The following SUSD4 variants were observed in gnomAD, a reference collection of about 807,000 sequenced individuals.
The protein encoded by SUSD4 is sushi domain-containing protein 4.
In SUSD4, 41 loss-of-function variants were observed where a neutral mutation model predicts 50.5. That is an observed-to-expected ratio of 0.81 (90% CI 0.63 to 1.05). SUSD4 has a LOEUF of 1.05. Among genes scored for constraint, SUSD4 ranks in the 50% least tolerant of loss-of-function variants. The probability of loss-of-function intolerance (pLI) is 0.00; values close to 1 mark genes in which losing one functional copy is unlikely to be tolerated. For missense variants in SUSD4, 580 were observed against 634.7 expected, an observed-to-expected ratio of 0.91 and a Z score of 0.93; for synonymous variants, 257 against 257.3, an observed-to-expected ratio of 1.00 and a Z score of 0.01.
chr1:223,309,966 C>G (rs901405522), intron 2 of SUSD4, among the ~76,000 whole-genome samples: 3 of 152,202 alleles, frequency 2.0e-5, no homozygotes, highest in Non-Finnish European at 4.4e-5. Flanking sequence ...AACTCCAGCA[C>G]TGTGGCTGGA....
At chr1:223,291,147 C>A (rs1664461191) in intron 3 of SUSD4, among the ~76,000 whole-genome samples, 1 of 152,152 alleles carries the variant, frequency 6.6e-6, no homozygotes, top group South Asian at 2.1e-4. Flanking sequence ...AAGACACCAT[C>A]TTATCTATCC....
chr1:223,281,583 G>C (rs1384850207), intron 3 of SUSD4, among the ~76,000 whole-genome samples: 1 of 152,174 alleles, frequency 6.6e-6, no homozygotes, highest in Non-Finnish European at 1.5e-5. Context: ...CTCTGAAATT[G>C]AGGCAATAAT....
chr1:223,293,879 C>G (rs1231526279), intron 2 of SUSD4, among the ~76,000 whole-genome samples: 2 of 151,998 alleles, frequency 1.3e-5, no homozygotes, highest in Admixed American at 1.3e-4. Flanking sequence ...TCCAGGCCCC[C>G]CTTTTCAACT....
At chr1:223,351,195 C>T (rs959017413) in intron 2 of SUSD4, among the ~76,000 whole-genome samples, 2 of 152,244 alleles carry the variant, frequency 1.3e-5, no homozygotes, top group African/African-American at 4.8e-5. Context: ...TTCCAGTCCC[C>T]CCGGATTGCC....
At chr1:223,250,693 A>G (rs1028907644) in intron 5 of SUSD4, among the ~76,000 whole-genome samples, 2 of 152,206 alleles carry the variant, frequency 1.3e-5, no homozygotes, top group African/African-American at 4.8e-5. Context: ...ATGGGGTTAG[A>G]GTTCGGAAAA....
chr1:223,241,139 T>G (rs1413876421), intron 5 of SUSD4, among the ~76,000 whole-genome samples: 2 of 152,186 alleles, frequency 1.3e-5, no homozygotes, highest in Non-Finnish European at 2.9e-5. Context: ...CCCCAGCAGT[T>G]TTGGCTGTGG....
chr1:223,286,317 G>A (rs377484129), intron 3 of SUSD4, among the ~76,000 whole-genome samples: 11 of 152,154 alleles, frequency 7.2e-5, no homozygotes, highest in East Asian at 3.9e-4. Context: ...GGGTTTCACC[G>A]TGTTAGCCAG....
chr1:223,364,953 C>T (rs564503539), upstream of SUSD4, among the ~76,000 whole-genome samples: 25 of 152,324 alleles, frequency 1.6e-4, no homozygotes, highest in Non-Finnish European at 3.2e-4. The surrounding 1 kb of genome is among the most constrained non-coding windows in gnomAD (Gnocchi z 4.5). Context: ...GGTATTTTCC[C>T]TCTGCCAGCC....
intron 2 of SUSD4, among the ~76,000 whole-genome samples, chr1:223,322,763 G>A (rs1159182714): frequency 2.0e-5 from 3 of 152,164 alleles, no homozygotes; most frequent in South Asian, 4.1e-4. Context: ...GAAATTATTC[G>A]TCATGAATCT....
intron 2 of SUSD4, among the ~76,000 whole-genome samples, chr1:223,315,280 T>A (rs1184979172): frequency 6.6e-6 from 1 of 152,250 alleles, no homozygotes; most frequent in Non-Finnish European, 1.5e-5. Context: ...GAAGGTTGAA[T>A]TCTGCTAAAG....
In SUSD4 at chr1:223,264,657, T is replaced by C. The variant is rs1346308248; in HGVS notation, c.697A>G (p.Ser233Gly). 6.2e-7 allele frequency: 1 copy of C among 1,614,202 alleles called. No individual in the cohort carries two copies. Among genetic ancestry groups the C allele is most frequent in the East Asian group, 2.2e-5 (1 of 44,878 alleles). The change falls in exon 5 of 9, where the codon AGC (serine) becomes GGC (glycine). Residue 233 changes from serine to glycine, a missense_variant. Transcript: ENST00000366878. ...ECLQNLIWSS[S>G]PPRCLALEVC... ...TCCAGAGCAAGGCACCGGGGTGGGC[T>C]GGACGACCAGATAAGGTTTTGTAAG...
chr1:223,299,473 C>T (rs1665045894), intron 2 of SUSD4, among the ~76,000 whole-genome samples: 1 of 152,160 alleles, frequency 6.6e-6, no homozygotes, highest in Non-Finnish European at 1.5e-5. Context: ...CCATTTTAAT[C>T]AGCCCTCAGA....
intron 2 of SUSD4, among the ~76,000 whole-genome samples, chr1:223,321,601 C>G (rs764097016): frequency 5.9e-5 from 9 of 152,198 alleles, no homozygotes; most frequent in Non-Finnish European, 1.3e-4. Context: ...GTTTCTATCA[C>G]TAGCGTAGAA....
intron 3 of SUSD4, chr1:223,289,292 G>T (rs937533056): frequency 2.0e-6 from 2 of 985,280 alleles, no homozygotes; most frequent in East Asian, 1.1e-4. Context: ...AAGAAGCACA[G>T]ACATCTCTGA....
At chr1:223,281,462 C>G (rs1289260394) in intron 3 of SUSD4, among the ~76,000 whole-genome samples, 5 of 152,226 alleles carry the variant, frequency 3.3e-5, no homozygotes, top group African/African-American at 1.2e-4. Context: ...ATAAACAACT[C>G]TACGCAAATA....
chr1:223,229,189 A>G lies in SUSD4; in HGVS notation c.916+8T>C. The G allele has an allele frequency of 6.3e-7, 1 of 1,590,288 alleles. No homozygotes were observed. Among genetic ancestry groups the G allele is most frequent in the East Asian group, 2.3e-5 (1 of 44,108 alleles). On this transcript the variant is annotated splice_region_variant and intron_variant, in intron 6 of 8. Coordinates refer to ENST00000366878, the MANE Select transcript of SUSD4 (RefSeq NM_017982.4). This position sits in a 1 kb window ranked among gnomAD's most constrained non-coding sequence, Gnocchi z 4.7. ...CATCTCCTCCAAGGGTGAGGCCTTC[A>G]GTCTTACCTGATTTGATGCAGTAGA...
chr1:223,355,084 T>TC (rs1668584614), intron 2 of SUSD4, among the ~76,000 whole-genome samples: 1 of 152,046 alleles, frequency 6.6e-6, no homozygotes. Flanking sequence ...AGCTAATTTT[T>TC]TTTTTTTTCA....
At chr1:223,240,767 C>A (rs1388988671) in intron 5 of SUSD4, among the ~76,000 whole-genome samples, 1 of 152,156 alleles carries the variant, frequency 6.6e-6, no homozygotes, top group Non-Finnish European at 1.5e-5. Context: ...GTTTGTGAAC[C>A]CCAACATTCC....
intron 2 of SUSD4, among the ~76,000 whole-genome samples, chr1:223,300,383 C>CCTCAGTTT (rs1665108089): frequency 6.6e-6 from 1 of 152,132 alleles, no homozygotes; most frequent in African/African-American, 2.4e-5. Flanking sequence ...GCAAAGACAC[C>CCTCAGTTT]CTCAGTTTCT....
Sources: allele counts gnomAD v4.1 joint callset (sites outside exome capture counted in the v4.1 genomes callset), GRCh38; gene constraint gnomAD v4.1.1; non-coding constraint Gnocchi (gnomAD v3.1); transcripts MANE v1.5; gene names NCBI Gene and HGNC (gene_info 2026-07-23, HGNC 2026-07-21).